ATP13A4: variants seen among roughly 807,000 people sequenced by gnomAD.
The protein encoded by ATP13A4 is ATPase 13A4, also known as probable cation-transporting ATPase 13A4.
ATP13A4 carries 114 observed loss-of-function variants against 142.5 expected under a neutral mutation model. The observed-to-expected ratio is 0.80, with a 90% CI of 0.69 to 0.93. The LOEUF (loss-of-function observed/expected upper bound fraction) is 0.93. ATP13A4 is among the 40% of genes least tolerant of loss of function. ATP13A4 has a pLI of 0.00. For missense variants in ATP13A4, 1,392 were observed against 1,454.0 expected (o/e 0.96, Z 0.69); for synonymous variants, 488 against 514.8 (o/e 0.95, Z 0.70).
chr3:193,569,095 A>T (rs1170894218), intron 2 of ATP13A4, among the ~76,000 whole-genome samples: 1 of 152,224 alleles, frequency 6.6e-6, no homozygotes, highest in Non-Finnish European at 1.5e-5. Context: ...TTTGACTGAC[A>T]CTATGTCAGC....
chr3:193,486,593 T>A (rs998424446), intron 7 of ATP13A4, among the ~76,000 whole-genome samples: 2 of 152,150 alleles, frequency 1.3e-5, no homozygotes, highest in African/African-American at 4.8e-5. Context: ...TAAGTGCAGA[T>A]TTGAGGAGAA....
intron 25 of ATP13A4, among the ~76,000 whole-genome samples, chr3:193,415,580 A>T (rs1338049616): frequency 6.6e-6 from 1 of 152,234 alleles, no homozygotes; most frequent in African/African-American, 2.4e-5. Flanking sequence ...GGAGCATAGC[A>T]GGCCTTATTT....
At chr3:193,424,886 C>A (rs1347916760) in intron 25 of ATP13A4, among the ~76,000 whole-genome samples, 1 of 148,980 alleles carries the variant, frequency 6.7e-6, no homozygotes, top group African/African-American at 2.5e-5. Flanking sequence ...ATTGAAGAGA[C>A]AACCTACATA....
At chr3:193,493,209 T>C in intron 3 of ATP13A4, 49 bp from the exon 4 acceptor site, 1 of 1,507,996 alleles carries the variant, frequency 6.6e-7, no homozygotes, top group Non-Finnish European at 9.2e-7. Context: ...GATCAGAGAA[T>C]AAACAGCAAC....
intron 3 of ATP13A4, among the ~76,000 whole-genome samples, chr3:193,500,223 A>G (rs1720464214): frequency 6.6e-6 from 1 of 152,138 alleles, no homozygotes; most frequent in Non-Finnish European, 1.5e-5. Flanking sequence ...TCTGCTCAGG[A>G]ATAAGGAAGA....
intron 25 of ATP13A4, among the ~76,000 whole-genome samples, chr3:193,423,429 A>G (rs1363484605): frequency 6.7e-6 from 1 of 149,758 alleles, no homozygotes; most frequent in Admixed American, 6.9e-5. Flanking sequence ...GATGTAAAAA[A>G]AAATCCTCAG....
At chr3:193,550,565 CA>C (rs1225978490) in intron 1 of ATP13A4, among the ~76,000 whole-genome samples, 1 of 152,150 alleles carries the variant, frequency 6.6e-6, no homozygotes, top group Non-Finnish European at 1.5e-5. Context: ...CTCAGCCTCC[CA>C]AAGTGCCGGG....
intron 10 of ATP13A4, among the ~76,000 whole-genome samples, chr3:193,466,920 TCTC>T (rs1718323114): frequency 1.3e-5 from 2 of 152,086 alleles, no homozygotes; most frequent in Admixed American, 6.6e-5. Context: ...AGGTAAGACT[TCTC>T]CTTGTCTATG....
intron 6 of ATP13A4, 115 bp downstream of exon 6, chr3:193,491,214 C>G: frequency 1.2e-6 from 1 of 849,022 alleles, no homozygotes; most frequent in Non-Finnish European, 2.0e-6. Context: ...GGCATACTTT[C>G]AAAATATACT....
chr3:193,521,590 C>T (rs753209901), intron 1 of ATP13A4, among the ~76,000 whole-genome samples: 6 of 152,112 alleles, frequency 3.9e-5, no homozygotes, highest in South Asian at 2.1e-4. Context: ...AGTTTGTGTA[C>T]GCTACTCTAG....
Position 193,531,292 on chromosome 3 carries a change from GAGGGAGGAAGGA to G in ATP13A4, c.61-16433_61-16422del, listed in dbSNP as rs1332568305. On this transcript the variant is annotated intron_variant, in intron 1 of 29. Transcript: ENST00000342695. ...TAAGTGAGGGAGGGAGGGAGGGAGG[GAGGGAGGAAGGA>G]AGGAAGGAAGGAAGGAAGGAAGGAA... Among the ~76,000 whole-genome samples the G allele has an allele frequency of 4.8e-5, 5 of 104,130 alleles. No homozygotes were observed. The East Asian group carries it at 9.5e-4, about 20-fold the overall frequency. 68.3% of individuals were successfully genotyped at this position (104,130 alleles called of 152,430 possible).
At chr3:193,555,913 C>G (rs1055089328), upstream of ATP13A4, among the ~76,000 whole-genome samples, 2 of 152,136 alleles carry the variant, frequency 1.3e-5, no homozygotes, top group South Asian at 4.1e-4. Flanking sequence ...CATCTGGTAC[C>G]GCCCGACAGG....
At chr3:193,417,961 A>G (rs1440033310) in intron 25 of ATP13A4, among the ~76,000 whole-genome samples, 2 of 145,478 alleles carry the variant, frequency 1.4e-5, no homozygotes, top group Admixed American at 7.3e-5. Context: ...TCTCTACTAA[A>G]AATACAAAAA....
intron 28 of ATP13A4, among the ~76,000 whole-genome samples, chr3:193,410,415 TA>T (rs1301820226): frequency 6.6e-6 from 1 of 152,238 alleles, no homozygotes; most frequent in African/African-American, 2.4e-5. Context: ...GGAGATCTTT[TA>T]AAATAAAAAT....
chr3:193,471,200 G>A (rs1009180885), intron 8 of ATP13A4, among the ~76,000 whole-genome samples: 3 of 151,936 alleles, frequency 2.0e-5, no homozygotes, highest in Non-Finnish European at 4.4e-5. Context: ...ATCTTTGTGT[G>A]GCAAAGTAAT....
At chr3:193,423,759 T>C (rs1429967871) in intron 25 of ATP13A4, among the ~76,000 whole-genome samples, 2 of 149,254 alleles carry the variant, frequency 1.3e-5, no homozygotes, top group African/African-American at 4.9e-5. Flanking sequence ...TCCTTTAAAA[T>C]CTGGAACAAG....
At chr3:193,448,460 C>T in intron 17 of ATP13A4, 130 bp from the exon 18 acceptor site, 3 of 1,195,060 alleles carry the variant, frequency 2.5e-6, no homozygotes, top group Non-Finnish European at 3.6e-6. Flanking sequence ...CTCAGCTTCC[C>T]AAGTAACTGG....
intron 8 of ATP13A4, among the ~76,000 whole-genome samples, chr3:193,480,853 A>T (rs1274316489): frequency 6.6e-6 from 1 of 152,234 alleles, no homozygotes; most frequent in Non-Finnish European, 1.5e-5. Context: ...CACAATTTGT[A>T]ACTGCAAAAC....
chr3:193,475,236 A>C (rs971742516), intron 8 of ATP13A4, among the ~76,000 whole-genome samples: 4 of 152,072 alleles, frequency 2.6e-5, no homozygotes, highest in African/African-American at 4.8e-5. Context: ...GTAGTAAAAA[A>C]CTGAGAAATG....
Sources: gnomAD v4.1 joint callset for allele counts (sites outside exome capture counted in the v4.1 genomes callset) on GRCh38, gnomAD v4.1.1 for gene constraint, MANE v1.5 for transcripts, NCBI Gene and HGNC (gene_info 2026-07-23, HGNC 2026-07-21) for gene names.